The following GARNL3 variants were observed in gnomAD, a reference collection of about 807,000 sequenced individuals.
The protein encoded by GARNL3 is GTPase activating Rap/RanGAP domain like 3.
In GARNL3, 63 loss-of-function variants were observed where a neutral mutation model predicts 125.0. The observed-to-expected ratio is 0.50, with a 90% CI of 0.41 to 0.62. GARNL3 has a LOEUF of 0.62. Among genes scored for constraint, GARNL3 ranks in the 20% least tolerant of loss-of-function variants. GARNL3 has a pLI of 0.00. For missense variants in GARNL3, 994 were observed against 1,244.0 expected (o/e 0.80, Z 3.02); for synonymous variants, 439 against 457.5 (o/e 0.96, Z 0.52).
At chr9:127,278,779 C>A (rs552389126) in intron 1 of GARNL3, among the ~76,000 whole-genome samples, 12 of 152,262 alleles carry the variant, frequency 7.9e-5, no homozygotes, top group Admixed American at 7.2e-4. Context: ...CCTCTGAGGG[C>A]CGTGGGGAAG....
intron 1 of GARNL3, among the ~76,000 whole-genome samples, chr9:127,230,952 A>T (rs1195443453): frequency 7.1e-6 from 1 of 140,720 alleles, no homozygotes; most frequent in Non-Finnish European, 1.5e-5. Context: ...AATACAGGCA[A>T]ACGATATATA....
chr9:127,379,029 TG>T (rs1225636491), intron 22 of GARNL3, among the ~76,000 whole-genome samples: 13 of 152,172 alleles, frequency 8.5e-5, no homozygotes, highest in Non-Finnish European at 1.9e-4. Context: ...CTGCCCGCCT[TG>T]GCCTCCCAAA....
intron 22 of GARNL3, among the ~76,000 whole-genome samples, chr9:127,382,943 G>A (rs1318689834): frequency 6.6e-6 from 1 of 152,182 alleles, no homozygotes; most frequent in East Asian, 1.9e-4. Flanking sequence ...TCCACCCAAG[G>A]GCTGCCGTCA....
intron 9 of GARNL3, among the ~76,000 whole-genome samples, chr9:127,334,327 C>T (rs1487651954): frequency 1.3e-5 from 2 of 152,158 alleles, no homozygotes; most frequent in African/African-American, 4.8e-5. Flanking sequence ...TGAGGTAAGT[C>T]AGGCAGCGGG....
chr9:127,319,015 G>A (rs1271994118), intron 5 of GARNL3, among the ~76,000 whole-genome samples: 1 of 152,186 alleles, frequency 6.6e-6, no homozygotes, highest in African/African-American at 2.4e-5. Context: ...CGTATGAAGG[G>A]CAAAGCTTAT....
chr9:127,311,235 GAAA>G, intron 2 of GARNL3, among the ~76,000 whole-genome samples: 1 of 144,936 alleles, frequency 6.9e-6, no homozygotes, highest in South Asian at 2.2e-4. Context: ...TATGCATGGG[GAAA>G]AAAAAAAACA....
chr9:127,367,152 A>C (rs150455784), intron 22 of GARNL3: 4 of 152,298 alleles, frequency 2.6e-5, no homozygotes, highest in Non-Finnish European at 4.4e-5. Context: ...CTGGTGAACA[A>C]CACCAATAAA....
intron 17 of GARNL3, 180 bp from the exon 18 acceptor site, chr9:127,353,666 C>T (rs980523343): frequency 1.6e-6 from 1 of 616,038 alleles, no homozygotes; most frequent in Non-Finnish European, 2.9e-6. Flanking sequence ...GTACTTCTTC[C>T]TGAGCTAGGA....
chr9:127,307,187 C>T (rs115404062), intron 2 of GARNL3, among the ~76,000 whole-genome samples: 1 of 152,314 alleles, frequency 6.6e-6, no homozygotes, highest in African/African-American at 2.4e-5. Flanking sequence ...TTATGCCCCG[C>T]TCTCTGTGCT....
chr9:127,231,046 ATATATTTTT>A (rs2062999535), intron 1 of GARNL3, among the ~76,000 whole-genome samples: 1 of 45,250 alleles, frequency 2.2e-5, no homozygotes, highest in Non-Finnish European at 3.9e-5. Context: ...ATATATATAT[ATATATTTTT>A]TTTTTTTTTT....
chr9:127,367,886 G>A (rs540529771), intron 22 of GARNL3, among the ~76,000 whole-genome samples: 3 of 152,132 alleles, frequency 2.0e-5, no homozygotes, highest in Admixed American at 6.6e-5. Context: ...TACTAAGCAG[G>A]ATGATACATG....
intron 2 of GARNL3, among the ~76,000 whole-genome samples, chr9:127,254,481 T>C (rs1313008616): frequency 6.6e-6 from 1 of 152,162 alleles, no homozygotes; most frequent in East Asian, 1.9e-4. Context: ...ATTCAGAATA[T>C]ACAAATAATA....
chr9:127,228,105 G>A (rs2131122445), intron 1 of GARNL3, among the ~76,000 whole-genome samples: 2 of 152,260 alleles, frequency 1.3e-5, no homozygotes, highest in South Asian at 4.1e-4. Context: ...TTAATATAGT[G>A]TAAGGATTTC....
chr9:127,281,853 G>C (rs569405644), intron 1 of GARNL3, among the ~76,000 whole-genome samples: 1 of 152,344 alleles, frequency 6.6e-6, no homozygotes, highest in Admixed American at 6.5e-5. Flanking sequence ...CTGTGTCTGT[G>C]TCTGTCTGTA....
intron 2 of GARNL3, among the ~76,000 whole-genome samples, chr9:127,306,879 C>T (rs980957404): frequency 2.0e-5 from 3 of 151,890 alleles, no homozygotes; most frequent in Non-Finnish European, 4.4e-5. Flanking sequence ...AGCAAGACTC[C>T]GTCTCAACAA....
At chr9:127,254,268 A>T (rs2063456677) in intron 2 of GARNL3, among the ~76,000 whole-genome samples, 1 of 152,240 alleles carries the variant, frequency 6.6e-6, no homozygotes, top group South Asian at 2.1e-4. Context: ...TTTGCATGGA[A>T]CAATAGAGAC....
At chr9:127,344,070 C>T (rs1196440281) in intron 14 of GARNL3, among the ~76,000 whole-genome samples, 165 bp from the exon 15 acceptor site, 1 of 152,112 alleles carries the variant, frequency 6.6e-6, no homozygotes, top group Non-Finnish European at 1.5e-5. Context: ...CTAGTATCTA[C>T]CATGGACCTG....
intron 18 of GARNL3, 30 bp downstream of exon 18, chr9:127,353,974 G>A (rs761542071): frequency 1.2e-5 from 17 of 1,469,846 alleles, no homozygotes; most frequent in Admixed American, 8.5e-5. Flanking sequence ...GGCATGCTGT[G>A]GAGGAAGGAA....
intron 22 of GARNL3, among the ~76,000 whole-genome samples, chr9:127,375,459 C>G (rs373805730): frequency 1.4e-5 from 2 of 144,296 alleles, no homozygotes; most frequent in African/African-American, 2.6e-5. Context: ...GAGCAAGACT[C>G]TGTCTCAGAA....
Sources: gnomAD v4.1 joint callset for allele counts (sites outside exome capture counted in the v4.1 genomes callset) on GRCh38, gnomAD v4.1.1 for gene constraint, MANE v1.5 for transcripts, NCBI Gene and HGNC (gene_info 2026-07-23, HGNC 2026-07-21) for gene names.